The following CSK variants were observed in gnomAD, a reference collection of about 807,000 sequenced individuals.
CSK encodes tyrosine-protein kinase CSK.
CSK carries 7 observed loss-of-function variants against 62.3 expected under a neutral mutation model. That is an observed-to-expected ratio of 0.11 (90% CI 0.06 to 0.21). CSK has a LOEUF of 0.21. Ranked by LOEUF, CSK falls within the 10% of genes least tolerant of loss-of-function variation. The pLI is 1.00. For missense variants in CSK, 294 were observed against 613.5 expected, an observed-to-expected ratio of 0.48 and a Z score of 5.50; for synonymous variants, 237 against 246.0, an observed-to-expected ratio of 0.96 and a Z score of 0.34.
chr15:74,794,038 CT>C (rs2063665445), intron 1 of CSK, among the ~76,000 whole-genome samples: 1 of 152,142 alleles, frequency 6.6e-6, no homozygotes, highest in Non-Finnish European at 1.5e-5. Flanking sequence ...TCAGTTTCCG[CT>C]TCTGTGAAAT....
At chr15:74,786,002 C>CTTTTTTTTTTTTTTT (rs536939856) in intron 1 of CSK, among the ~76,000 whole-genome samples, 7 of 73,628 alleles carry the variant, frequency 9.5e-5, no homozygotes, top group East Asian at 4.3e-4. Flanking sequence ...CTCTCTCTCT[C>CTTTTTTTTTTTTTTT]TTTTTTTTTT....
chr15:74,796,246 TAAGG>T (rs1173399331), intron 1 of CSK, among the ~76,000 whole-genome samples: 3 of 151,306 alleles, frequency 2.0e-5, no homozygotes, highest in Non-Finnish European at 4.4e-5. Context: ...AAGAAAATCA[TAAGG>T]AAGAGGAAAT....
Position 74,798,184 on chromosome 15 carries a change from G to C in CSK, c.-65-49G>C, listed in dbSNP as rs2063735140. 8.5e-7 allele frequency: 1 copy of C among 1,181,748 alleles called. No homozygotes were observed. The highest frequency in any genetic ancestry group is 1.2e-6 in the Non-Finnish European group (1 of 848,520). The allele number at this position is 1,181,748 out of a possible 1,614,324, so 73.2% of individuals were successfully genotyped here. ...GTGAGGAGCCAGATCTCAGCAGTTG[G>C]GGGGCATTTCTTCACACCCCTCCTC... On this transcript the variant is annotated intron_variant, in intron 1 of 12. Transcript: ENST00000220003. This position sits in a 1 kb window ranked among gnomAD's most constrained non-coding sequence, Gnocchi z 6.6.
intron 1 of CSK, among the ~76,000 whole-genome samples, chr15:74,796,980 G>A (rs371288549): frequency 2.0e-5 from 3 of 151,908 alleles, no homozygotes; most frequent in African/African-American, 4.8e-5. Context: ...TCACTCTGTC[G>A]CCCAGGCTGG....
At chr15:74,791,039 C>T (rs987952092) in intron 1 of CSK, 4 of 152,156 alleles carry the variant, frequency 2.6e-5, no homozygotes, top group Admixed American at 1.3e-4. Context: ...TTTTTAAAAG[C>T]CCAAAAGGAC....
rs1232728038 is a variant in CSK at position 74,786,000 on chromosome 15, C to CTTTTTTTTTTTTTTTTTTT, written c.-66+3281_-66+3282insTTTTTTTTTTTTTTTTTTT. 4.9e-3 allele frequency among the ~76,000 whole-genome samples: 292 copies of CTTTTTTTTTTTTTTTTTTT among 59,894 alleles called. 87 individuals are homozygous for CTTTTTTTTTTTTTTTTTTT. The highest frequency in any genetic ancestry group is 0.019 in the Middle Eastern group (2 of 106). 39.3% of individuals were successfully genotyped at this position (59,894 alleles called of 152,430 possible). On this transcript the variant is annotated intron_variant, in intron 1 of 12. Coordinates refer to ENST00000220003, the MANE Select transcript of CSK (RefSeq NM_004383.3). Reference sequence around the variant, plus strand: ...CAAGGCCTCTTCTCTCTCTCTCTCTCTCTTTTTTTTTTTTGTGTGTGTGTG... The same window carrying CTTTTTTTTTTTTTTTTTTT: ...CAAGGCCTCTTCTCTCTCTCTCTCTCTTTTTTTTTTTTTTTTTTTTCTTTTTTTTTTTTGTGTGTGTGTG...
chr15:74,799,447 A>C lies in CSK; in HGVS notation c.418A>C (p.Ile140Leu), dbSNP rs1374677580. ...CATGTACCATGCCAGCAAGCTCAGC[A>C]TCGACGAGGAGGTGTACTTTGAGAA... ...RIMYHASKLSIDEEVYFENLM... is the reference protein window; with the variant it reads ...RIMYHASKLSLDEEVYFENLM... Residue 140 changes from isoleucine (I) to leucine (L), a missense_variant, in exon 5 of 13, where the codon ATC (isoleucine) becomes CTC (leucine). Transcript: ENST00000220003. The C allele has an allele frequency of 1.2e-6, 2 of 1,613,506 alleles. No individual in the cohort carries two copies. The highest frequency in any genetic ancestry group is 8.5e-7 in the Non-Finnish European group (1 of 1,180,012).
chr15:74,783,467 C>G (rs35963373), intron 1 of CSK, among the ~76,000 whole-genome samples: 1 of 152,314 alleles, frequency 6.6e-6, no homozygotes, highest in East Asian at 1.9e-4. Flanking sequence ...CCATTTTGTA[C>G]ACCCGGGAAC....
Position 74,800,850 on chromosome 15 carries a change from A to G in CSK, c.650A>G (p.Asn217Ser). 1 of 1,613,356 alleles carries G rather than the reference A, an allele frequency of 6.2e-7. No individual in the cohort carries two copies. The highest frequency in any genetic ancestry group is 1.1e-5 in the South Asian group (1 of 91,046). The change falls in exon 8 of 13, where the codon AAC becomes AGC. Residue 217 changes from asparagine to serine, a missense_variant. By Grantham distance (46) the Asn-to-Ser change is conservative (BLOSUM62 1). Around this residue, in one of 3 missense-constraint regions of CSK, gnomAD observed 202 missense variants for 415.7 expected, o/e 0.49. Transcript: ENST00000220003. ...GDVMLGDYRG[N>S]KVAVKCIKND... ...GTGATGCTGGGCGATTACCGAGGGA[A>G]CAAAGTCGCCGTCAAGTGCATTAAG...
At chr15:74,800,299 T>A in intron 5 of CSK, 113 bp from the exon 6 acceptor site, 1 of 873,614 alleles carries the variant, frequency 1.1e-6, no homozygotes, top group Non-Finnish European at 1.9e-6. Context: ...CCCCACTCAG[T>A]GACTCCAGGC....
At chr15:74,789,758 C>T (rs34535086) in intron 1 of CSK, among the ~76,000 whole-genome samples, 2,816 of 152,316 alleles carry the variant, frequency 0.018, 97 homozygotes, top group African/African-American at 0.064. Flanking sequence ...ATCCTTCTAG[C>T]TCCTGCTCCC....
intron 5 of CSK, 123 bp from the exon 6 acceptor site, chr15:74,800,289 C>T (rs924761873): frequency 3.8e-6 from 3 of 793,676 alleles, no homozygotes; most frequent in Admixed American, 4.2e-5. Context: ...GGGGAGCCCT[C>T]CCCACTCAGT....
chr15:74,796,123 C>T (rs1429889868), intron 1 of CSK, among the ~76,000 whole-genome samples: 1 of 151,924 alleles, frequency 6.6e-6, no homozygotes, highest in East Asian at 1.9e-4. Flanking sequence ...GTGGTCAAGG[C>T]ATGAGAATCA....
At chr15:74,802,179 C>A in intron 12 of CSK, 96 bp downstream of exon 12, 1 of 1,448,894 alleles carries the variant, frequency 6.9e-7, no homozygotes, top group Non-Finnish European at 9.4e-7. Context: ...CAATCAAGGC[C>A]TAGAAGCCTC....
chr15:74,786,042 T>TGTGTGTGTGTGTGTGTGTGTGA (rs1316590295), intron 1 of CSK, among the ~76,000 whole-genome samples: 9 of 114,900 alleles, frequency 7.8e-5, no homozygotes, highest in African/African-American at 2.4e-4. Context: ...TGTGTGTGTG[T>TGTGTGTGTGTGTGTGTGTGTGA]GAGATGGAGT....
chr15:74,792,685 T>A (rs1459181016), intron 1 of CSK, among the ~76,000 whole-genome samples: 2 of 152,218 alleles, frequency 1.3e-5, no homozygotes, highest in Non-Finnish European at 2.9e-5. Context: ...GGGTCTCACC[T>A]TCTGGAGATG....
chr15:74,783,571 G>A (rs1024445530), intron 1 of CSK, among the ~76,000 whole-genome samples: 1 of 152,216 alleles, frequency 6.6e-6, no homozygotes, highest in Non-Finnish European at 1.5e-5. Context: ...GGATGGCTGT[G>A]GGTGGAAGGA....
At chr15:74,799,175 C>T (rs555782886) in intron 4 of CSK, 97 bp from the exon 5 acceptor site, 15 of 1,330,192 alleles carry the variant, frequency 1.1e-5, no homozygotes, top group Admixed American at 2.1e-5. Flanking sequence ...TGAGCGAGTG[C>T]GAGCCACGGG....
chr15:74,796,644 C>T (rs2063710978), intron 1 of CSK, among the ~76,000 whole-genome samples: 2 of 151,640 alleles, frequency 1.3e-5, no homozygotes, highest in Admixed American at 6.6e-5. Flanking sequence ...TGTAACTGGA[C>T]CTGCGCAGTT....
Sources: gnomAD v4.1 joint callset for allele counts (sites outside exome capture counted in the v4.1 genomes callset) on GRCh38, gnomAD v4.1.1 for gene constraint, gnomAD v4.1.1 regional missense constraint, Gnocchi (gnomAD v3.1) non-coding constraint, MANE v1.5 for transcripts, NCBI Gene and HGNC (gene_info 2026-07-23, HGNC 2026-07-21) for gene names.